Variants in RSRC2 observed in about 807,000 individuals in gnomAD.
RSRC2 encodes arginine/serine-rich coiled-coil protein 2.
In RSRC2, 5 loss-of-function variants were observed where a neutral mutation model predicts 61.3. The ratio of observed to expected loss-of-function variants is 0.08; its 90% confidence interval spans 0.04 to 0.17. RSRC2 has a LOEUF of 0.17. RSRC2 is among the 10% of genes least tolerant of loss of function. The pLI is 1.00. For synonymous variants in RSRC2, 202 were observed against 166.5 expected (o/e 1.21, Z -1.64); for missense variants, 381 against 518.8 (o/e 0.73, Z 2.58).
chr12:122,523,210 C>A (rs1312888438), intron 1 of RSRC2: 2 of 152,214 alleles, frequency 1.3e-5, no homozygotes, highest in Non-Finnish European at 2.9e-5. Flanking sequence ...AAAGACTGAA[C>A]TGTTAAAACT....
rs1482901238 is a variant in RSRC2, at chr12:122,508,421, T to C, written c.832A>G (p.Asn278Asp). 1.9e-5 allele frequency: 31 copies of C among 1,613,906 alleles called. No individual in the cohort carries two copies. The highest frequency in any genetic ancestry group is 2.5e-5 in the Non-Finnish European group (30 of 1,179,986). Residue 278 changes from asparagine (N) to aspartate (D), a missense_variant, in exon 8 of 10, where the codon AAT becomes GAT. Asn to Asp is a conservative substitution (Grantham distance 23). Transcript: ENST00000331738. ...AAAATGGSVL[N>D]VAALLASGTQ... ...CCTGATGCCAACAGGGCAGCAACAT[T>C]GAGAACAGAACCTCCAGTAGCTGCA... is the stretch of plus-strand genomic sequence containing the variant.
At chr12:122,520,943 CTG>C (rs1488221995) in intron 3 of RSRC2, 44 of 218,606 alleles carry the variant, frequency 2.0e-4, no homozygotes, top group Middle Eastern at 2.0e-3. Context: ...ATTAGGGAAA[CTG>C]AACTAGTTTG....
At chr12:122,512,255 G>T (rs138055639) in intron 6 of RSRC2, among the ~76,000 whole-genome samples, 395 of 152,266 alleles carry the variant, frequency 2.6e-3, no homozygotes, top group African/African-American at 9.2e-3. Context: ...TCTTCACAAT[G>T]AATTCCTGAA....
intron 3 of RSRC2, 65 bp downstream of exon 3, chr12:122,521,320 A>G: frequency 7.8e-7 from 1 of 1,285,640 alleles, no homozygotes; most frequent in Non-Finnish European, 1.1e-6. Context: ...ATATTCATAC[A>G]AATCTTTCTA....
chr12:122,508,576 G>T, intron 7 of RSRC2, 129 bp from the exon 8 acceptor site: 2 of 689,514 alleles, frequency 2.9e-6, no homozygotes, highest in Non-Finnish European at 4.9e-6. Flanking sequence ...CAAATCCAAG[G>T]AAATGACTGA....
chr12:122,510,996 C>T, intron 7 of RSRC2, 113 bp downstream of exon 7: 1 of 716,006 alleles, frequency 1.4e-6, no homozygotes, highest in Non-Finnish European at 2.3e-6. Flanking sequence ...CTACCATGCG[C>T]TATGCTGGAG....
Position 122,514,554 on chromosome 12 carries a change from T to C in RSRC2, c.725+551A>G, listed in dbSNP as rs1042202502. 15 of 974,322 alleles carry C rather than the reference T, an allele frequency of 1.5e-5. No homozygotes were observed. In the African/African-American group the frequency reaches 2.3e-4, roughly 15 times the overall value. The allele number at this position is 974,322 out of a possible 1,614,324, so 60.4% of individuals were successfully genotyped here. A position where few individuals can be genotyped will look rare whatever the true frequency, so the allele number is the denominator to read the frequency against. On this transcript the variant is annotated intron_variant, in intron 6 of 9. Transcript: ENST00000331738. ...ATGCCGGGATTACAGGTGTGACCGATTGCACCCGGCCGAAACAGCAGAAAA... is the reference window on the plus strand; with the variant it reads ...ATGCCGGGATTACAGGTGTGACCGACTGCACCCGGCCGAAACAGCAGAAAA...
intron 6 of RSRC2, chr12:122,514,458 T>C (rs1958761927): frequency 7.0e-6 from 2 of 287,048 alleles, no homozygotes; most frequent in Non-Finnish European, 1.0e-5. Context: ...AGAGATGGGG[T>C]TTCACCATGT....
chr12:122,506,811 C>A (rs759742207), intron 9 of RSRC2, 23 bp downstream of exon 9: 1 of 1,377,982 alleles, frequency 7.3e-7, no homozygotes, highest in Non-Finnish European at 1.0e-6. Flanking sequence ...ATACAAAGAT[C>A]CCCTGGCACA....
At chr12:122,520,987 T>TA (rs1421853520) in intron 3 of RSRC2, 1 of 214,898 alleles carries the variant, frequency 4.7e-6, no homozygotes, top group Non-Finnish European at 9.5e-6. Flanking sequence ...TTATCGTTCA[T>TA]AAGGAAAAAG....
intron 3 of RSRC2, 66 bp downstream of exon 3, chr12:122,521,319 C>T: frequency 7.9e-7 from 1 of 1,271,288 alleles, no homozygotes; most frequent in Non-Finnish European, 1.1e-6. Flanking sequence ...TATATTCATA[C>T]AAATCTTTCT....
At chr12:122,526,695 A>G (rs1201159458) in intron 1 of RSRC2, among the ~76,000 whole-genome samples, 153 bp downstream of exon 1, 1 of 151,640 alleles carries the variant, frequency 6.6e-6, no homozygotes, top group East Asian at 1.9e-4. Context: ...CCCCCTCCCT[A>G]CAGCAGGCAG....
rs76401586 is a variant in RSRC2 at position 122,526,886 on chromosome 12, C to G, written c.-33G>C. On this transcript the variant is annotated 5_prime_UTR_variant, in exon 1 of 10. Coordinates refer to ENST00000331738, the MANE Select transcript of RSRC2 (RefSeq NM_023012.6). ...AGTCCCGGCCGCTAGAGCGGCGCCT[C>G]CACTTGTCGCTTTCAACAGTACCGG... is the stretch of plus-strand genomic sequence containing the variant. The G allele has an allele frequency of 7.3e-3, 11,775 of 1,613,842 alleles. 758 individuals carry two copies. In the African/African-American group the frequency reaches 0.14, roughly 19 times the overall value.
intron 9 of RSRC2, chr12:122,506,629 T>C (rs1487639359): frequency 2.0e-6 from 1 of 496,206 alleles, no homozygotes; most frequent in East Asian, 3.2e-5. Flanking sequence ...TCTCTCTCTC[T>C]CCAAGTGTGT....
chr12:122,511,335 A>T (rs1379393154), intron 6 of RSRC2, 147 bp from the exon 7 acceptor site: 1 of 545,778 alleles, frequency 1.8e-6, no homozygotes, highest in East Asian at 3.0e-5. Flanking sequence ...GTATGTGAAG[A>T]AAAAGCAATC....
intron 6 of RSRC2, among the ~76,000 whole-genome samples, chr12:122,511,840 T>TCAGC (rs1958535339): frequency 6.6e-6 from 1 of 152,088 alleles, no homozygotes; most frequent in Non-Finnish European, 1.5e-5. Context: ...ACAGTCTCAC[T>TCAGC]CTGTTGCCCA....
chr12:122,507,714 C>T (rs943281134), intron 8 of RSRC2, among the ~76,000 whole-genome samples: 4 of 98,532 alleles, frequency 4.1e-5, no homozygotes, highest in Admixed American at 1.4e-4. Context: ...AGTGCAGTGG[C>T]GTGATTTTTT....
rs77617204 is a variant in RSRC2, at chr12:122,515,322, T to C, written c.603-95A>G. On this transcript the variant is annotated intron_variant, in intron 5 of 9. Transcript: ENST00000331738. ...TTAGTTCAAACAAAAATCCCAACGA[T>C]ACAAAAACATTTAGTTTGAGATGCA... The C allele has an allele frequency of 6.2e-5, 75 of 1,218,898 alleles. No individual in the cohort carries two copies. In the African/African-American group the frequency reaches 1.1e-3, roughly 17 times the overall value. 75.5% of individuals were successfully genotyped at this position (1,218,898 alleles called of 1,614,324 possible). A position where few individuals can be genotyped will look rare whatever the true frequency, so the allele number is the denominator to read the frequency against.
chr12:122,506,859 T>C lies in RSRC2; in HGVS notation c.1100A>G (p.Lys367Arg), dbSNP rs758726094. 3 of 1,609,478 alleles carry C rather than the reference T, an allele frequency of 1.9e-6. No homozygotes were observed. The highest frequency in any genetic ancestry group is 2.6e-6 in the Non-Finnish European group (3 of 1,175,802). Reference protein sequence around the residue: ...LNFGNKDQNVKFRKLMGIKSE... With the variant: ...LNFGNKDQNVRFRKLMGIKSE... ...CTTAATACCCATCAATTTCCTAAAT[T>C]TGACATTTTGGTCCTTGTTTCCAAA... Residue 367 changes from lysine to arginine, a missense_variant, in exon 9 of 10, where the codon AAA becomes AGA. Physicochemically the swap from Lys to Arg is conservative, Grantham distance 26. Around this residue, in one of 4 missense-constraint regions of RSRC2, gnomAD observed 78 missense variants for 183.0 expected, o/e 0.43. Transcript: ENST00000331738.
Sources: allele counts gnomAD v4.1 joint callset (sites outside exome capture counted in the v4.1 genomes callset), GRCh38; gene constraint gnomAD v4.1.1; regional missense constraint gnomAD v4.1.1; transcripts MANE v1.5; gene names NCBI Gene and HGNC (gene_info 2026-07-23, HGNC 2026-07-21).